DLG2: variants seen among roughly 807,000 people sequenced by gnomAD.
DLG2 encodes disks large homolog 2.
DLG2 carries 45 observed loss-of-function variants against 132.5 expected under a neutral mutation model. The ratio of observed to expected loss-of-function variants is 0.34; its 90% CI spans 0.27 to 0.44. The LOEUF (loss-of-function observed/expected upper bound fraction) is 0.44. DLG2 is among the 20% of genes least tolerant of loss of function. DLG2 has a pLI of 1.00. For synonymous variants in DLG2, 424 were observed against 419.6 expected (o/e 1.01, Z -0.13); for missense variants, 1,045 against 1,196.9 (o/e 0.87, Z 1.87).
At chr11:83,962,431 T>A (rs148388686) in intron 14 of DLG2, among the ~76,000 whole-genome samples, 9 of 152,170 alleles carry the variant, frequency 5.9e-5, no homozygotes, top group African/African-American at 1.9e-4. Flanking sequence ...TTTGTATTCC[T>A]TTGCCAAATG....
chr11:85,177,448 C>T (rs1053916791), intron 4 of DLG2, among the ~76,000 whole-genome samples: 1 of 151,992 alleles, frequency 6.6e-6, no homozygotes, highest in Non-Finnish European at 1.5e-5. Flanking sequence ...CATGTTCTCA[C>T]TTATAAGTGG....
At chr11:85,414,409 G>A (rs1361697872) in intron 3 of DLG2, among the ~76,000 whole-genome samples, 1 of 151,912 alleles carries the variant, frequency 6.6e-6, no homozygotes, top group Non-Finnish European at 1.5e-5. Flanking sequence ...TTGTCTGATT[G>A]CTCTGGCTAG....
At chr11:84,302,711 CA>C (rs1463825686) in intron 7 of DLG2, among the ~76,000 whole-genome samples, 2 of 151,984 alleles carry the variant, frequency 1.3e-5, no homozygotes, top group Non-Finnish European at 2.9e-5. Flanking sequence ...CTAAATAATA[CA>C]AATTGTTTTT....
At chr11:84,148,991 A>T (rs999611817) in intron 9 of DLG2, among the ~76,000 whole-genome samples, 11 of 152,080 alleles carry the variant, frequency 7.2e-5, no homozygotes, top group Non-Finnish European at 1.3e-4. Flanking sequence ...AATCTTTCAT[A>T]TGTTTTTCGG....
intron 25 of DLG2, among the ~76,000 whole-genome samples, chr11:83,468,672 A>G (rs61900112): frequency 0.023 from 3,555 of 152,178 alleles, 63 homozygotes; most frequent in Non-Finnish European, 0.038. Flanking sequence ...GTGCCTTCCT[A>G]TGGTACCCTC....
At chr11:83,826,019 AG>A (rs1388485354) in intron 17 of DLG2, among the ~76,000 whole-genome samples, 1 of 152,186 alleles carries the variant, frequency 6.6e-6, no homozygotes, top group Non-Finnish European at 1.5e-5. Context: ...CCAGGCAGGC[AG>A]GGGCCAGACT....
At chr11:83,666,088 T>C (rs935041249) in intron 18 of DLG2, among the ~76,000 whole-genome samples, 6 of 152,238 alleles carry the variant, frequency 3.9e-5, no homozygotes, top group Middle Eastern at 3.2e-3. Context: ...TTGCTAGATA[T>C]ATCTCATTAT....
At chr11:84,364,255 T>C (rs1212238998) in intron 7 of DLG2, among the ~76,000 whole-genome samples, 2 of 152,108 alleles carry the variant, frequency 1.3e-5, no homozygotes, top group Non-Finnish European at 2.9e-5. Context: ...CCTAGGTATT[T>C]TATCCTCTTT....
chr11:84,440,844 C>T (rs1434198657), intron 7 of DLG2, among the ~76,000 whole-genome samples: 1 of 152,230 alleles, frequency 6.6e-6, no homozygotes, highest in Non-Finnish European at 1.5e-5. Flanking sequence ...AAGCCATTAA[C>T]TATCATACAT....
At chr11:85,158,168 TA>T (rs1450978274) in intron 4 of DLG2, among the ~76,000 whole-genome samples, 1 of 152,088 alleles carries the variant, frequency 6.6e-6, no homozygotes, top group Non-Finnish European at 1.5e-5. Flanking sequence ...CTAATTTATA[TA>T]AACAGAAATC....
At chr11:83,882,098 G>A (rs999469050) in intron 15 of DLG2, among the ~76,000 whole-genome samples, 1 of 152,104 alleles carries the variant, frequency 6.6e-6, no homozygotes, top group African/African-American at 2.4e-5. Flanking sequence ...TAAGAAAAAT[G>A]AAATAGAACT....
At chr11:84,653,722 G>T (rs1033270947) in intron 6 of DLG2, among the ~76,000 whole-genome samples, 1 of 152,136 alleles carries the variant, frequency 6.6e-6, no homozygotes, top group Non-Finnish European at 1.5e-5. Context: ...TAACTTATGG[G>T]ATATTACAGC....
At chr11:83,857,348 G>T (rs115773156) in intron 16 of DLG2, among the ~76,000 whole-genome samples, 46 of 152,176 alleles carry the variant, frequency 3.0e-4, no homozygotes, top group African/African-American at 1.1e-3. Flanking sequence ...TTCTAGTTCT[G>T]TGAAGAATCT....
intron 19 of DLG2, among the ~76,000 whole-genome samples, chr11:83,571,065 A>G (rs2096787682): frequency 6.6e-6 from 1 of 152,044 alleles, no homozygotes; most frequent in African/African-American, 2.4e-5. Flanking sequence ...TATTTTTAGT[A>G]GAGACAGGGT....
At chr11:85,139,233 TTA>T (rs1460449729) in intron 5 of DLG2, among the ~76,000 whole-genome samples, 1 of 152,092 alleles carries the variant, frequency 6.6e-6, no homozygotes, top group East Asian at 1.9e-4. Flanking sequence ...AGCAGGAACC[TTA>T]TGTTTTGTCC....
chr11:83,931,444 T>C (rs1311712492), intron 14 of DLG2, among the ~76,000 whole-genome samples: 1 of 152,218 alleles, frequency 6.6e-6, no homozygotes, highest in Non-Finnish European at 1.5e-5. Flanking sequence ...CAGTCTGATG[T>C]TGACTCTACA....
intron 3 of DLG2, among the ~76,000 whole-genome samples, chr11:85,403,664 T>C (rs2088424582): frequency 6.6e-6 from 1 of 151,904 alleles, no homozygotes; most frequent in Non-Finnish European, 1.5e-5. Flanking sequence ...TGGAGATGTA[T>C]GATATCACGT....
intron 14 of DLG2, among the ~76,000 whole-genome samples, chr11:83,940,018 C>T (rs536537293): frequency 6.6e-5 from 10 of 152,308 alleles, no homozygotes; most frequent in Non-Finnish European, 1.5e-4. Context: ...CTGTTTCATG[C>T]AGCTGTTTCC....
At chr11:84,292,400 C>T (rs889534782) in intron 7 of DLG2, among the ~76,000 whole-genome samples, 2 of 152,290 alleles carry the variant, frequency 1.3e-5, no homozygotes, top group South Asian at 4.1e-4. Flanking sequence ...TCACCCCTGC[C>T]TCCTGGGAGT....
Sources: allele counts gnomAD v4.1 joint callset (sites outside exome capture counted in the v4.1 genomes callset), GRCh38; gene constraint gnomAD v4.1.1; transcripts MANE v1.5; gene names NCBI Gene and HGNC (gene_info 2026-07-23, HGNC 2026-07-21).